The following ERRFI1 variants were observed in gnomAD, a reference collection of about 807,000 sequenced individuals.
ERRFI1 encodes ERBB receptor feedback inhibitor 1.
ERRFI1 carries 12 observed loss-of-function variants against 14.6 expected under a neutral mutation model. That is an observed-to-expected ratio of 0.82 (90% CI 0.53 to 1.33). The LOEUF (loss-of-function observed/expected upper bound fraction) is 1.33, where lower values mean the gene tolerates loss of function less well. ERRFI1 is among the 40% of genes most tolerant of loss of function. The probability of loss-of-function intolerance (pLI) is 0.00; values close to 1 mark genes in which losing one functional copy is unlikely to be tolerated. For synonymous variants in ERRFI1, 202 were observed against 209.9 expected (o/e 0.96, Z 0.32); for missense variants, 482 against 572.1 (o/e 0.84, Z 1.61).
rs2124055016 is a variant in ERRFI1, at chr1:8,013,390, G to A, written c.1209C>T (p.Tyr403=). Reference sequence around the variant, plus strand: ...TAAAAAATTTTTCATATTTGTCCAGGTATGGTGGTCGTTCAGGTAGTAGGT... The same window carrying A: ...TAAAAAATTTTTCATATTTGTCCAGATATGGTGGTCGTTCAGGTAGTAGGT... ...HYYLLPERPP[Y]LDKYEKFFRE... is the part of the protein sequence containing the mutation. Residue 403 remains tyrosine, a synonymous_variant, in exon 4 of 4, where the codon TAC becomes TAT. Transcript: ENST00000377482. This position sits in a 1 kb window ranked among gnomAD's most constrained non-coding sequence, Gnocchi z 4.3. 1.2e-6 allele frequency: 2 copies of A among 1,614,172 alleles called. No individual in the cohort carries two copies. Among genetic ancestry groups the A allele is most frequent in the Non-Finnish European group, 1.7e-6 (2 of 1,180,042 alleles).
At chr1:8,016,365 C>G (rs1641173756) in intron 1 of ERRFI1, among the ~76,000 whole-genome samples, 1 of 152,174 alleles carries the variant, frequency 6.6e-6, no homozygotes, top group Non-Finnish European at 1.5e-5. Flanking sequence ...AGATTACTGG[C>G]TTCAGTAAAA....
chr1:8,013,179 T>C lies in ERRFI1; in HGVS notation c.*31A>G, dbSNP rs756047474. ...GAAAATTGAGAACCATTTGCTCCTA[T>C]GTAACCTCTGCTGAACCATGACCCC... is the stretch of plus-strand genomic sequence containing the variant. On this transcript the variant is annotated 3_prime_UTR_variant, in exon 4 of 4. Transcript: ENST00000377482. This position sits in a 1 kb window ranked among gnomAD's most constrained non-coding sequence, Gnocchi z 4.3. 3 of 1,545,918 alleles carry C rather than the reference T, an allele frequency of 1.9e-6. No individual in the cohort carries two copies. The highest frequency in any genetic ancestry group is 2.6e-6 in the Non-Finnish European group (3 of 1,145,964).
intron 1 of ERRFI1, among the ~76,000 whole-genome samples, chr1:8,021,281 T>C (rs1167527498): frequency 1.3e-5 from 2 of 152,226 alleles, no homozygotes; most frequent in East Asian, 1.9e-4. Flanking sequence ...TTTTAAAAAA[T>C]GGTAAACTAA....
chr1:8,022,654 T>G (rs2124076892), intron 1 of ERRFI1, among the ~76,000 whole-genome samples: 1 of 152,346 alleles, frequency 6.6e-6, no homozygotes, highest in South Asian at 2.1e-4. Context: ...TCATTTCTCC[T>G]TGTAACATTC....
In ERRFI1 at chr1:8,012,597, T is replaced by TG; in HGVS notation, c.*612dup. On this transcript the variant is annotated 3_prime_UTR_variant, in exon 4 of 4. Coordinates refer to ENST00000377482, the MANE Select transcript of ERRFI1 (RefSeq NM_018948.4). ...AGACGCAACATGAAACCTGGAAGTA[T>TG]GAGGCCTTGGTATGATTTTTAACCT... is the stretch of plus-strand genomic sequence containing the variant. 4.4e-6 allele frequency: 1 copy of TG among 226,996 alleles called. No homozygotes were observed. Among genetic ancestry groups the TG allele is most frequent in the East Asian group, 6.3e-5 (1 of 15,916 alleles). The allele number at this position is 226,996 out of a possible 1,614,324, so 14.1% of individuals were successfully genotyped here.
intron 1 of ERRFI1, among the ~76,000 whole-genome samples, chr1:8,017,659 G>C (rs976905486): frequency 6.6e-6 from 1 of 152,194 alleles, no homozygotes; most frequent in African/African-American, 2.4e-5. Context: ...AAAAATGAAA[G>C]GCAAGATAGG....
Position 8,020,561 on chromosome 1 carries a change from T to C in ERRFI1, c.-73-4869A>G, listed in dbSNP as rs572903213. ...AAACAAAAAAACACCAATTTTTTTT[T>C]TTTTTTTTTGAGACGGAGTCTTACT... is the stretch of plus-strand genomic sequence containing the variant. On this transcript the variant is annotated intron_variant, in intron 1 of 3. Coordinates refer to ENST00000377482, the MANE Select transcript of ERRFI1 (RefSeq NM_018948.4). 1.9e-4 allele frequency among the ~76,000 whole-genome samples: 28 copies of C among 151,264 alleles called. No individual in the cohort carries two copies. In the South Asian group the frequency reaches 5.4e-3, roughly 29 times the overall value.
intron 1 of ERRFI1, among the ~76,000 whole-genome samples, chr1:8,022,645 C>T (rs980589350): frequency 6.6e-6 from 1 of 152,218 alleles, no homozygotes; most frequent in Non-Finnish European, 1.5e-5. Context: ...GCAACAACCT[C>T]ATTTCTCCTT....
At chr1:8,014,627 G>A in intron 3 of ERRFI1, 1 of 534,778 alleles carries the variant, frequency 1.9e-6, no homozygotes, top group East Asian at 3.0e-5. Flanking sequence ...TATCTCCCTT[G>A]GACATGTGCA....
In ERRFI1 at chr1:8,026,175, T is replaced by TGCCCCGCGGCGCCC. The variant is rs1553128362; in HGVS notation, c.-105_-92dup. 6.6e-6 allele frequency: 1 copy of TGCCCCGCGGCGCCC among 151,540 alleles called. No homozygotes were observed. Among genetic ancestry groups the TGCCCCGCGGCGCCC allele is most frequent in the Non-Finnish European group, 1.5e-5 (1 of 67,880 alleles). 9.4% of individuals were successfully genotyped at this position (151,540 alleles called of 1,614,324 possible). Reference sequence around the variant, plus strand: ...CCCCTTACCCCGGAGGAGCGGCGGCTGCCCCGCGGCGCCCTCCCGCGCATG... The same window carrying TGCCCCGCGGCGCCC: ...CCCCTTACCCCGGAGGAGCGGCGGCTGCCCCGCGGCGCCCGCCCCGCGGCGCCCTCCCGCGCATG... On this transcript the variant is annotated 5_prime_UTR_variant, in exon 1 of 4. An upstream open reading frame in the 5' UTR loses its in-frame stop. Transcript: ENST00000377482.
intron 1 of ERRFI1, among the ~76,000 whole-genome samples, chr1:8,019,890 G>T (rs555772750): frequency 2.0e-5 from 3 of 152,000 alleles, no homozygotes; most frequent in Non-Finnish European, 4.4e-5. Flanking sequence ...AATTGGGGGG[G>T]TACTTTCTTA....
Position 8,014,295 on chromosome 1 carries a change from T to C in ERRFI1, c.304A>G (p.Asn102Asp). Residue 102 changes from asparagine to aspartate, a missense_variant, in exon 4 of 4, where the codon AAC becomes GAC. Asn to Asp is a conservative substitution (Grantham distance 23). Transcript: ENST00000377482. ...TGATCCTCTTCATGTGGTCCCAAGT[T>C]TTCACTTGGGGGAATAAGAAGAGGG... ...LPPLLIPPSENLGPHEEDQVV... is the reference protein window; with the variant it reads ...LPPLLIPPSEDLGPHEEDQVV... 6.2e-7 allele frequency: 1 copy of C among 1,614,036 alleles called. No individual in the cohort carries two copies. Among genetic ancestry groups the C allele is most frequent in the Non-Finnish European group, 8.5e-7 (1 of 1,179,918 alleles).
At chr1:8,015,787 G>A in intron 1 of ERRFI1, 95 bp from the exon 2 acceptor site, 1 of 799,962 alleles carries the variant, frequency 1.3e-6, no homozygotes, top group South Asian at 2.0e-5. Context: ...AGAGGATTTG[G>A]GGGATGCTGA....
At chr1:8,019,704 C>T (rs897588090) in intron 1 of ERRFI1, among the ~76,000 whole-genome samples, 7 of 152,076 alleles carry the variant, frequency 4.6e-5, no homozygotes, top group African/African-American at 1.7e-4. Flanking sequence ...TGGAGTGAGG[C>T]GACTGCCCAA....
chr1:8,015,323 G>C lies in ERRFI1; in HGVS notation c.187C>G (p.Arg63Gly). 6.2e-7 allele frequency: 1 copy of C among 1,614,028 alleles called. No individual in the cohort carries two copies. Among genetic ancestry groups the C allele is most frequent in the South Asian group, 1.1e-5 (1 of 91,078 alleles). Residue 63 changes from arginine (R) to glycine (G), a missense_variant, in exon 3 of 4, where the codon CGC (arginine) becomes GGC (glycine). Arg to Gly is a moderately radical substitution (Grantham distance 125, BLOSUM62 -2). Transcript: ENST00000377482. Reference protein sequence around the residue: ...AYSLNSSAQERLIPLGHASKS... With the variant: ...AYSLNSSAQEGLIPLGHASKS... ...GAATACATACCAAGTGGTATTAGGC[G>C]CTCCTGAGCAGAAGAGTTCAGACTG...
intron 1 of ERRFI1, among the ~76,000 whole-genome samples, chr1:8,025,155 C>A (rs1234554582): frequency 6.6e-6 from 1 of 152,200 alleles, no homozygotes; most frequent in Non-Finnish European, 1.5e-5. Flanking sequence ...TTTAAAGCTA[C>A]AGTCTCCATT....
At chr1:8,015,195 T>C (rs1336730825) in intron 3 of ERRFI1, 113 bp downstream of exon 3, 2 of 901,150 alleles carry the variant, frequency 2.2e-6, no homozygotes, top group East Asian at 2.5e-5. Flanking sequence ...CAGGCTGTTG[T>C]TGGAAATAGT....
chr1:8,015,590 C>T lies in ERRFI1; in HGVS notation c.30G>A (p.Glu10=), dbSNP rs2124066404. Residue 10 remains glutamate (E), a synonymous_variant, in exon 2 of 4, where the codon GAG becomes GAA. Coordinates refer to ENST00000377482, the MANE Select transcript of ERRFI1 (RefSeq NM_018948.4). MSIAGVAAQ[E]IRVPLKTGFL... ...ATCCAGTTTTTAATGGGACTCTGATCTCCTGAGCAGCAACTCCTGCTATTG... is the reference window on the plus strand; with the variant it reads ...ATCCAGTTTTTAATGGGACTCTGATTTCCTGAGCAGCAACTCCTGCTATTG... 6.2e-7 allele frequency: 1 copy of T among 1,614,116 alleles called. No homozygotes were observed. The highest frequency in any genetic ancestry group is 1.3e-5 in the African/African-American group (1 of 75,042).
rs758907317 is a variant in ERRFI1, at chr1:8,012,673, G to A, written c.*537C>T. On this transcript the variant is annotated 3_prime_UTR_variant, in exon 4 of 4. Transcript: ENST00000377482. ...TGGATACCCTGCCCTCCATGGAAAA[G>A]ATTGCCTGCAAAAATAAATGGAACA... 2 of 229,578 alleles carry A rather than the reference G, an allele frequency of 8.7e-6. No individual in the cohort carries two copies. Among genetic ancestry groups the A allele is most frequent in the Non-Finnish European group, 1.7e-5 (2 of 115,900 alleles). 14.2% of individuals were successfully genotyped at this position (229,578 alleles called of 1,614,324 possible).
Sources: gnomAD v4.1 joint callset for allele counts (sites outside exome capture counted in the v4.1 genomes callset) on GRCh38, gnomAD v4.1.1 for gene constraint, Gnocchi (gnomAD v3.1) non-coding constraint, MANE v1.5 for transcripts, NCBI Gene and HGNC (gene_info 2026-07-23, HGNC 2026-07-21) for gene names.